RPH3A: variants seen among roughly 807,000 people sequenced by gnomAD.
RPH3A encodes the protein rabphilin-3A.
RPH3A carries 48 observed loss-of-function variants against 102.2 expected under a neutral mutation model. The ratio of observed to expected loss-of-function variants is 0.47; its 90% confidence interval spans 0.37 to 0.60. The LOEUF (loss-of-function observed/expected upper bound fraction) is 0.60, where lower values mean the gene tolerates loss of function less well. Among genes scored for constraint, RPH3A ranks in the 20% least tolerant of loss-of-function variants. RPH3A has a pLI of 0.00. For synonymous variants in RPH3A, 310 were observed against 324.3 expected (o/e 0.96, Z 0.47); for missense variants, 781 against 910.1 (o/e 0.86, Z 1.83).
chr12:112,638,003 C>T (rs1403934448), intron 1 of RPH3A, among the ~76,000 whole-genome samples: 1 of 151,786 alleles, frequency 6.6e-6, no homozygotes, highest in Admixed American at 6.6e-5. Context: ...ATCTGATCCC[C>T]AACATTGGAG....
intron 2 of RPH3A, among the ~76,000 whole-genome samples, chr12:112,794,090 G>A (rs1207461438): frequency 2.6e-5 from 4 of 152,162 alleles, no homozygotes; most frequent in Admixed American, 6.5e-5. Context: ...CCAAGAGGCC[G>A]CCCTCCCTCC....
intron 1 of RPH3A, among the ~76,000 whole-genome samples, chr12:112,615,265 G>A (rs1427707545): frequency 3.3e-5 from 5 of 151,962 alleles, no homozygotes; most frequent in Admixed American, 6.6e-5. Flanking sequence ...GCAGACCCTC[G>A]CAAAACTACA....
At position 112,876,306 on chromosome 12, in the gene RPH3A, G is replaced by A. The variant is rs1409518193; in HGVS notation, c.947-336G>A. Among the ~76,000 whole-genome samples the A allele has an allele frequency of 2.0e-5, 3 of 152,170 alleles. No individual in the cohort carries two copies. The South Asian group carries it at 6.2e-4, about 32-fold the overall frequency. ...TGTTCATTAAAAAATACTATTATTT[G>A]AGGAGCTTCAGATATTATAATTTCC... On this transcript the variant is annotated intron_variant, in intron 12 of 21. Coordinates refer to ENST00000389385, the MANE Select transcript of RPH3A (RefSeq NM_001143854.2).
chr12:112,584,996 G>A (rs1184236971), intron 1 of RPH3A, among the ~76,000 whole-genome samples: 1 of 152,200 alleles, frequency 6.6e-6, no homozygotes, highest in East Asian at 1.9e-4. Context: ...AGCCCACAGT[G>A]CAGCCTTCAG....
At chr12:112,688,666 G>A (rs2040285666) in intron 1 of RPH3A, among the ~76,000 whole-genome samples, 1 of 152,124 alleles carries the variant, frequency 6.6e-6, no homozygotes, top group South Asian at 2.1e-4. Flanking sequence ...GCTGTGTACA[G>A]GGTTTTATCT....
At chr12:112,873,826 T>C (rs952899670) in intron 10 of RPH3A, 1 of 152,292 alleles carries the variant, frequency 6.6e-6, no homozygotes, top group African/African-American at 2.4e-5. Context: ...TGTTGCATCA[T>C]AAACTCATCA....
At chr12:112,878,987 G>GT (rs2042857142) in intron 13 of RPH3A, 132 bp from the exon 14 acceptor site, 2 of 786,700 alleles carry the variant, frequency 2.5e-6, no homozygotes, top group East Asian at 4.9e-5. Flanking sequence ...GGAACTCACA[G>GT]CAAAAACCGA....
At chr12:112,801,544 G>T (rs2041354212) in intron 2 of RPH3A, among the ~76,000 whole-genome samples, 1 of 152,188 alleles carries the variant, frequency 6.6e-6, no homozygotes, top group South Asian at 2.1e-4. Context: ...GAAATAAATG[G>T]TGCACACTCG....
intron 1 of RPH3A, among the ~76,000 whole-genome samples, chr12:112,767,408 G>C (rs1405008847): frequency 1.3e-5 from 2 of 152,182 alleles, no homozygotes; most frequent in East Asian, 3.8e-4. Flanking sequence ...GGGCCCGCCA[G>C]GGAAGCAAGT....
chr12:112,814,196 A>G (rs1174089264), intron 2 of RPH3A, among the ~76,000 whole-genome samples: 1 of 152,014 alleles, frequency 6.6e-6, no homozygotes, highest in African/African-American at 2.4e-5. Flanking sequence ...GGCCCATCTT[A>G]GGCCAGGATA....
chr12:112,708,153 G>A (rs2040437460), intron 1 of RPH3A, among the ~76,000 whole-genome samples: 2 of 152,192 alleles, frequency 1.3e-5, no homozygotes, highest in Non-Finnish European at 2.9e-5. Context: ...GGAACAATGA[G>A]GAAGTTCATG....
In RPH3A at chr12:112,898,144, A is replaced by C. The variant is rs1285610631; in HGVS notation, c.*1364A>C. The stretch of plus-strand genomic sequence containing the variant: ...AATCAAATAATATCATGGCTATGGA[A>C]CAGTAGAGAGAGACAGGCCTGATGC... On this transcript the variant is annotated 3_prime_UTR_variant, in exon 22 of 22. Transcript: ENST00000389385. 1 of 152,202 alleles carries C rather than the reference A, an allele frequency of 6.6e-6. No homozygotes were observed. The highest frequency in any genetic ancestry group is 1.5e-5 in the Non-Finnish European group (1 of 68,050). The allele number at this position is 152,202 out of a possible 1,614,324, so 9.4% of individuals were successfully genotyped here.
chr12:112,717,510 T>C (rs1462066656), intron 1 of RPH3A, among the ~76,000 whole-genome samples: 1 of 152,154 alleles, frequency 6.6e-6, no homozygotes, highest in Non-Finnish European at 1.5e-5. Flanking sequence ...TCCCTTTGAA[T>C]CTGGCTTCTT....
At chr12:112,819,678 T>C (rs2041742651) in intron 2 of RPH3A, among the ~76,000 whole-genome samples, 3 of 152,258 alleles carry the variant, frequency 2.0e-5, no homozygotes, top group South Asian at 2.1e-4. Flanking sequence ...TAGGCCAAAC[T>C]TGGATGATCT....
intron 1 of RPH3A, among the ~76,000 whole-genome samples, chr12:112,738,730 C>T (rs2040686715): frequency 6.6e-6 from 1 of 152,110 alleles, no homozygotes; most frequent in Admixed American, 6.6e-5. Flanking sequence ...TAAACCCGTC[C>T]CATCACAGCA....
intron 1 of RPH3A, among the ~76,000 whole-genome samples, chr12:112,708,824 G>A (rs1328499425): frequency 2.6e-5 from 4 of 152,092 alleles, no homozygotes; most frequent in South Asian, 2.1e-4. Context: ...GAAGTCCCAC[G>A]GGCAAGTTTT....
intron 4 of RPH3A, among the ~76,000 whole-genome samples, chr12:112,842,507 T>C (rs548234283): frequency 2.0e-5 from 3 of 152,296 alleles, no homozygotes; most frequent in South Asian, 4.1e-4. Flanking sequence ...ATCAGAGCTA[T>C]ATGACCCCAA....
intron 10 of RPH3A, chr12:112,873,920 A>T (rs1400683874): frequency 6.6e-6 from 1 of 152,214 alleles, no homozygotes; most frequent in Non-Finnish European, 1.5e-5. Flanking sequence ...TAGCACAGGG[A>T]TTGGCACTTG....
At chr12:112,782,106 G>T (rs572243526) in intron 1 of RPH3A, among the ~76,000 whole-genome samples, 15 of 152,362 alleles carry the variant, frequency 9.8e-5, no homozygotes, top group Non-Finnish European at 1.9e-4. Flanking sequence ...CCTGGGGAGA[G>T]TGGACAGATA....
Sources: gnomAD v4.1 joint callset for allele counts (sites outside exome capture counted in the v4.1 genomes callset) on GRCh38, gnomAD v4.1.1 for gene constraint, MANE v1.5 for transcripts, NCBI Gene and HGNC (gene_info 2026-07-23, HGNC 2026-07-21) for gene names.